The following CCDC88B variants were observed in gnomAD, a reference collection of about 807,000 sequenced individuals.
CCDC88B encodes the protein coiled-coil domain-containing protein 88B.
CCDC88B carries 138 observed loss-of-function variants against 183.7 expected under a neutral mutation model. The observed-to-expected ratio is 0.75, with a 90% confidence interval of 0.65 to 0.87. CCDC88B has a LOEUF of 0.87. Ranked by LOEUF, CCDC88B falls within the 40% of genes least tolerant of loss-of-function variation. The pLI, the probability that CCDC88B is intolerant of heterozygous loss-of-function variation, is 0.00. For missense variants in CCDC88B, 1,822 were observed against 1,965.6 expected, an observed-to-expected ratio of 0.93 and a Z score of 1.38; for synonymous variants, 835 against 867.5, an observed-to-expected ratio of 0.96 and a Z score of 0.66.
rs1315119578 is a variant in CCDC88B, at chr11:64,353,040, C to T, written c.3501-14C>T. ...CCCAGGTCCCTTGGAGAGCAGCTCT[C>T]CTTGCCTCCCAAGGGCTCAGATGCT... On this transcript the variant is annotated splice_polypyrimidine_tract_variant and intron_variant, in intron 20 of 26. Transcript: ENST00000356786. The T allele has an allele frequency of 1.9e-6, 3 of 1,578,926 alleles. No individual in the cohort carries two copies. The highest frequency in any genetic ancestry group is 1.3e-5 in the African/African-American group (1 of 74,172).
At position 64,340,902 on chromosome 11, in the gene CCDC88B, C is replaced by T. The variant is rs1011858732; in HGVS notation, c.207-5C>T. 7.1e-6 allele frequency: 11 copies of T among 1,545,452 alleles called. No individual in the cohort carries two copies. Among genetic ancestry groups the T allele is most frequent in the African/African-American group, 1.4e-5 (1 of 72,846 alleles). On this transcript the variant is annotated splice_polypyrimidine_tract_variant and splice_region_variant and intron_variant, in intron 2 of 26. Coordinates refer to ENST00000356786, the MANE Select transcript of CCDC88B (RefSeq NM_032251.6). ...CGGGTCCTCGAGCCCACCTCCGGCT[C>T]ATAGTGCCCCCAGCTCCCGAGGGGG...
chr11:64,354,124 C>T lies in CCDC88B; in HGVS notation c.4053C>T (p.Gly1351=). 4.4e-6 allele frequency: 6 copies of T among 1,366,940 alleles called. No homozygotes were observed. Among genetic ancestry groups the T allele is most frequent in the Non-Finnish European group, 5.7e-6 (6 of 1,053,452 alleles). The allele number at this position is 1,366,940 out of a possible 1,614,324, so 84.7% of individuals were successfully genotyped here. Residue 1351 remains glycine, a synonymous_variant, in exon 24 of 27, where the codon GGC becomes GGT. Transcript: ENST00000356786. ...CTGGCAGCACCGAGAGCCTGGGGGG[C>T]CCCCCGGAGACGGAGCTTCCTGAGG... ...DGAGSTESLG[G]PPETELPEGR... is the part of the protein sequence containing the mutation.
At chr11:64,341,357 G>C (rs2035842956) in intron 5 of CCDC88B, 29 bp downstream of exon 5, 1 of 1,613,942 alleles carries the variant, frequency 6.2e-7, no homozygotes, top group Non-Finnish European at 8.5e-7. Flanking sequence ...GGAAAGGTTA[G>C]GGTCGAGCTT....
intron 20 of CCDC88B, 34 bp downstream of exon 20, chr11:64,352,921 A>G (rs1327461103): frequency 6.5e-7 from 1 of 1,535,446 alleles, no homozygotes; most frequent in Non-Finnish European, 8.8e-7. Context: ...AGCAGCTCTC[A>G]GTGGCCCCAT....
Position 64,344,180 on chromosome 11 carries a change from T to C in CCDC88B, c.1639T>C (p.Cys547Arg). 1 of 1,612,164 alleles carries C rather than the reference T, an allele frequency of 6.2e-7. No homozygotes were observed. Among genetic ancestry groups the C allele is most frequent in the Non-Finnish European group, 8.5e-7 (1 of 1,179,338 alleles). Reference protein sequence around the residue: ...LDSVLEASAECPQAPDSDPQE... With the variant: ...LDSVLEASAERPQAPDSDPQE... ...CTCAGTGCTCGAGGCATCAGCTGAG[T>C]GTCCCCAGGCACCTGATTCAGACCC... The change falls in exon 14 of 27, where the codon TGT becomes CGT. Residue 547 changes from cysteine to arginine, a missense_variant. Transcript: ENST00000356786. This position sits in a 1 kb window ranked among gnomAD's most constrained non-coding sequence, Gnocchi z 4.5.
At position 64,348,577 on chromosome 11, in the gene CCDC88B, T is replaced by C. The variant is rs543296932; in HGVS notation, c.2617-754T>C. ...AGAGTGTCAGGAGGTGCAGTGCCCC[T>C]TGGGCAAGGCCTAGGTGCAGTTATT... On this transcript the variant is annotated intron_variant, in intron 14 of 26. Coordinates refer to ENST00000356786, the MANE Select transcript of CCDC88B (RefSeq NM_032251.6). Among the ~76,000 whole-genome samples the C allele has an allele frequency of 7.2e-5, 11 of 152,330 alleles. No homozygotes were observed. The East Asian group carries it at 1.2e-3, about 16-fold the overall frequency.
chr11:64,349,194 A>T (rs2036229376), intron 14 of CCDC88B, 137 bp from the exon 15 acceptor site: 2 of 1,002,558 alleles, frequency 2.0e-6, no homozygotes, highest in Admixed American at 4.8e-5. Flanking sequence ...ATAGATGGGG[A>T]AGTAGAGCCC....
intron 15 of CCDC88B, 42 bp downstream of exon 15, chr11:64,349,500 G>T: frequency 6.3e-7 from 1 of 1,578,624 alleles, no homozygotes; most frequent in African/African-American, 1.3e-5. Flanking sequence ...AGGCAGGGGT[G>T]TGGTGGGGCG....
chr11:64,355,419 T>G lies in CCDC88B; in HGVS notation c.4306+19T>G. 6.3e-7 allele frequency: 1 copy of G among 1,589,712 alleles called. No homozygotes were observed. Among genetic ancestry groups the G allele is most frequent in the Non-Finnish European group, 8.6e-7 (1 of 1,168,512 alleles). Reference sequence around the variant, plus strand: ...AGCAAAGGTGAGGGACAAGGGTCACTGTACCAGCCAGCCCCCCAACTCTTT... The same window carrying G: ...AGCAAAGGTGAGGGACAAGGGTCACGGTACCAGCCAGCCCCCCAACTCTTT... On this transcript the variant is annotated intron_variant, in intron 25 of 26. Transcript: ENST00000356786.
rs766264548 is a variant in CCDC88B, at chr11:64,342,559, T to C, written c.941T>C (p.Leu314Pro). 9.8e-6 allele frequency: 15 copies of C among 1,531,572 alleles called. No homozygotes were observed. The African/African-American group carries it at 1.5e-4, about 15-fold the overall frequency. The allele number at this position is 1,531,572 out of a possible 1,614,324, so 94.9% of individuals were successfully genotyped here. ...ALSGQAKRAELYREEAEALRE... is the reference protein window; with the variant it reads ...ALSGQAKRAEPYREEAEALRE... ...TCGGGACAGGCCAAGCGGGCCGAGCTGTACCGCGAGGAGGCAGAGGCGCTG... is the reference window on the plus strand; with the variant it reads ...TCGGGACAGGCCAAGCGGGCCGAGCCGTACCGCGAGGAGGCAGAGGCGCTG... Residue 314 changes from leucine (L) to proline (P), a missense_variant, in exon 10 of 27, where the codon CTG (leucine) becomes CCG (proline). Coordinates refer to ENST00000356786, the MANE Select transcript of CCDC88B (RefSeq NM_032251.6).
At chr11:64,341,813 G>A in intron 7 of CCDC88B, 71 bp downstream of exon 7, 2 of 1,531,780 alleles carry the variant, frequency 1.3e-6, no homozygotes, top group East Asian at 2.3e-5. Context: ...GGTTGTGCAA[G>A]GGAGATGGAA....
At chr11:64,355,521 C>A (rs1369412690) in intron 25 of CCDC88B, 39 bp from the exon 26 acceptor site, 1 of 1,610,650 alleles carries the variant, frequency 6.2e-7, no homozygotes, top group South Asian at 1.1e-5. Flanking sequence ...TCCACTTCCG[C>A]ACTGGCCCTG....
chr11:64,341,398 C>T (rs753020371), intron 5 of CCDC88B, 23 bp from the exon 6 acceptor site: 1 of 1,613,934 alleles, frequency 6.2e-7, no homozygotes, highest in South Asian at 1.1e-5. Flanking sequence ...CCTGCACCAG[C>T]TCCCCTTCCT....
intron 19 of CCDC88B, 101 bp downstream of exon 19, chr11:64,352,487 C>G: frequency 7.0e-7 from 1 of 1,432,260 alleles, no homozygotes. Flanking sequence ...GCACCTCCAC[C>G]TCCGCTCTGT....
intron 15 of CCDC88B, 27 bp from the exon 16 acceptor site, chr11:64,349,524 G>GGGGGGGGGGGGGGGGC: frequency 1.3e-6 from 2 of 1,498,164 alleles, no homozygotes; most frequent in Non-Finnish European, 1.8e-6. Flanking sequence ...GTGGGGTGGG[G>GGGGGGGGGGGGGGGGC]CTGGGTGCTA....
chr11:64,353,957 C>T, intron 23 of CCDC88B, 47 bp from the exon 24 acceptor site: 1 of 1,545,188 alleles, frequency 6.5e-7, no homozygotes, highest in African/African-American at 1.4e-5. Context: ...CCTTTGCTCC[C>T]TCCCTCCTCC....
At position 64,340,621 on chromosome 11, in the gene CCDC88B, C is replaced by T. The variant is rs753876254; in HGVS notation, c.75C>T (p.Ala25=). The T allele has an allele frequency of 5.0e-6, 8 of 1,608,754 alleles. No individual in the cohort carries two copies. Among genetic ancestry groups the T allele is most frequent in the African/African-American group, 1.3e-5 (1 of 74,712 alleles). Residue 25 remains alanine, a synonymous_variant, in exon 2 of 27, where the codon GCC becomes GCT. Transcript: ENST00000356786. ...GCTCCTCACAGGCGCTGGGACTGGC[C>T]GGGCTGGTCGGGGAGGCGGAGGACT... is the stretch of plus-strand genomic sequence containing the variant. The part of the protein sequence containing the change: ...GSLATWALGL[A]GLVGEAEDSE...
At chr11:64,348,032 A>C (rs1417276038) in intron 14 of CCDC88B, among the ~76,000 whole-genome samples, 1 of 138,064 alleles carries the variant, frequency 7.2e-6, no homozygotes, top group African/African-American at 2.8e-5. Flanking sequence ...TCTGGGTGAC[A>C]GAGCAAGACT....
chr11:64,341,923 T>G (rs201049666), intron 7 of CCDC88B, 71 bp from the exon 8 acceptor site: 18 of 496,966 alleles, frequency 3.6e-5, no homozygotes, highest in Non-Finnish European at 5.0e-5. Context: ...CCATGTCTGG[T>G]GTTGTGGTTG....
Sources: allele counts gnomAD v4.1 joint callset (sites outside exome capture counted in the v4.1 genomes callset), GRCh38; gene constraint gnomAD v4.1.1; non-coding constraint Gnocchi (gnomAD v3.1); transcripts MANE v1.5; gene names NCBI Gene and HGNC (gene_info 2026-07-23, HGNC 2026-07-21).